ZMYM1: variants seen among roughly 807,000 people sequenced by gnomAD.
ZMYM1 encodes zinc finger MYM-type protein 1.
ZMYM1 carries 39 observed loss-of-function variants against 60.0 expected under a neutral mutation model. The observed-to-expected ratio is 0.65, with a 90% confidence interval of 0.50 to 0.85. ZMYM1 has a LOEUF of 0.85. Ranked by LOEUF, ZMYM1 falls within the 40% of genes least tolerant of loss-of-function variation. The pLI, the probability that ZMYM1 is intolerant of heterozygous loss-of-function variation, is 0.00. For missense variants in ZMYM1, 1,171 were observed against 1,309.5 expected (o/e 0.89, Z 1.63); for synonymous variants, 413 against 454.0 (o/e 0.91, Z 1.15).
intron 6 of ZMYM1, among the ~76,000 whole-genome samples, chr1:35,107,982 A>G (rs1474319906): frequency 1.3e-5 from 2 of 151,912 alleles, no homozygotes; most frequent in Non-Finnish European, 2.9e-5. Context: ...AGTGGCACAC[A>G]CCTAATAATC....
intron 4 of ZMYM1, among the ~76,000 whole-genome samples, chr1:35,098,118 G>A (rs1322850907): frequency 6.6e-6 from 1 of 151,980 alleles, no homozygotes; most frequent in African/African-American, 2.4e-5. Flanking sequence ...TCTGTAAATG[G>A]GATTATTGTT....
At chr1:35,076,998 C>T (rs1044904306), upstream of ZMYM1, among the ~76,000 whole-genome samples, 68 of 152,016 alleles carry the variant, frequency 4.5e-4, no homozygotes, top group African/African-American at 1.6e-3. Context: ...TCCCAGAGCT[C>T]TCCTCCTATT....
chr1:35,112,239 G>T lies in ZMYM1; in HGVS notation c.1146+109G>T, dbSNP rs183018630. On this transcript the variant is annotated intron_variant, in intron 9 of 9. Transcript: ENST00000359858. ...GCCACCCAAGCTGGAGTGCAGTGGCGTGATCTCAGCTCACTGCAACCTTTG... is the reference window on the plus strand; with the variant it reads ...GCCACCCAAGCTGGAGTGCAGTGGCTTGATCTCAGCTCACTGCAACCTTTG... 5.3e-4 allele frequency: 577 copies of T among 1,097,044 alleles called. 4 individuals are homozygous for T. In the African/African-American group the frequency reaches 7.8e-3, roughly 15 times the overall value. The allele number at this position is 1,097,044 out of a possible 1,614,324, so 68.0% of individuals were successfully genotyped here.
chr1:35,068,310 T>G (rs1331712067), intron 1 of ZMYM1, among the ~76,000 whole-genome samples: 1 of 150,506 alleles, frequency 6.6e-6, no homozygotes, highest in Non-Finnish European at 1.5e-5. Context: ...TCCCAGCTAC[T>G]CAGGAGGCTG....
chr1:35,087,068 C>A (rs1642697849), intron 1 of ZMYM1, among the ~76,000 whole-genome samples: 1 of 144,902 alleles, frequency 6.9e-6, no homozygotes, highest in Non-Finnish European at 1.5e-5. Context: ...TCTCCACTCA[C>A]AGCAGCCTCC....
chr1:35,088,444 ATATATATATATGTGTG>A lies in ZMYM1; in HGVS notation c.-74-5468_-74-5453del, dbSNP rs1283017738. Reference sequence around the variant, plus strand: ...AAAATGTGTTTATGTGTATATATATATATATATATATGTGTGTGTGTGTGTGTGTGTGTGTGTGTGT... The same window carrying A: ...AAAATGTGTTTATGTGTATATATATATGTGTGTGTGTGTGTGTGTGTGTGT... On this transcript the variant is annotated intron_variant, in intron 1 of 9. Coordinates refer to ENST00000359858, the MANE Select transcript of ZMYM1 (RefSeq NM_024772.5). Among the ~76,000 whole-genome samples the A allele has an allele frequency of 3.0e-3, 345 of 113,830 alleles. 6 individuals carry two copies. Among genetic ancestry groups the A allele is most frequent in the African/African-American group, 0.012 (317 of 27,208 alleles). The allele number at this position is 113,830 out of a possible 152,430, so 74.7% of individuals were successfully genotyped here. A position where few individuals can be genotyped will look rare whatever the true frequency, so the allele number is the denominator to read the frequency against.
At chr1:35,084,945 A>G (rs1310136569) in intron 1 of ZMYM1, among the ~76,000 whole-genome samples, 2 of 151,866 alleles carry the variant, frequency 1.3e-5, no homozygotes, top group Non-Finnish European at 2.9e-5. Context: ...AAGTCCCCTT[A>G]CCAGTAAAGT....
chr1:35,110,507 C>T, intron 7 of ZMYM1, 60 bp downstream of exon 7: 1 of 1,218,314 alleles, frequency 8.2e-7, no homozygotes, highest in Non-Finnish European at 1.1e-6. Flanking sequence ...TATTATTTGA[C>T]TTTAATTTAT....
intron 1 of ZMYM1, among the ~76,000 whole-genome samples, chr1:35,092,052 A>T (rs1254086787): frequency 1.3e-5 from 2 of 151,924 alleles, no homozygotes; most frequent in African/African-American, 2.4e-5. Context: ...CAGCCTCCAG[A>T]GTAGCTGGGA....
intron 1 of ZMYM1, among the ~76,000 whole-genome samples, chr1:35,085,350 A>G (rs1479216469): frequency 6.6e-6 from 1 of 152,106 alleles, no homozygotes; most frequent in African/African-American, 2.4e-5. Context: ...CCCGGCCCCC[A>G]TATTATTTTT....
intron 1 of ZMYM1, among the ~76,000 whole-genome samples, chr1:35,090,862 C>T (rs1642958469): frequency 6.6e-6 from 1 of 151,976 alleles, no homozygotes. Context: ...AGGAGAATCA[C>T]TTGAACTTGG....
chr1:35,112,244 C>T (rs952610420), intron 9 of ZMYM1, 114 bp downstream of exon 9: 2 of 995,746 alleles, frequency 2.0e-6, no homozygotes, highest in African/African-American at 1.6e-5. Flanking sequence ...GTGGCGTGAT[C>T]TCAGCTCACT....
At chr1:35,112,178 TTTG>T (rs749320961) in intron 9 of ZMYM1, 48 bp downstream of exon 9, 404 of 1,586,774 alleles carry the variant, frequency 2.5e-4, no homozygotes, top group African/African-American at 6.2e-4. Flanking sequence ...TAAGCAGATT[TTTG>T]TTGTTGTTGT....
chr1:35,101,804 G>A (rs1242012186), intron 4 of ZMYM1, among the ~76,000 whole-genome samples: 1 of 151,884 alleles, frequency 6.6e-6, no homozygotes, highest in Non-Finnish European at 1.5e-5. Context: ...GCCCACCTTG[G>A]CCTCCCAAGA....
At chr1:35,110,767 C>T (rs1227146776) in intron 7 of ZMYM1, among the ~76,000 whole-genome samples, 2 of 151,886 alleles carry the variant, frequency 1.3e-5, no homozygotes, top group Non-Finnish European at 2.9e-5. Context: ...CCCGTCTCTA[C>T]TAAAAATACA....
At chr1:35,069,995 T>C (rs12088892) in intron 1 of ZMYM1, among the ~76,000 whole-genome samples, 18,944 of 152,206 alleles carry the variant, frequency 0.12, 3,783 homozygotes, top group African/African-American at 0.42. Context: ...TATAGCTTGA[T>C]AGTATATTTT....
intron 1 of ZMYM1, among the ~76,000 whole-genome samples, chr1:35,088,324 A>G (rs1463291979): frequency 2.0e-5 from 3 of 151,052 alleles, no homozygotes; most frequent in Non-Finnish European, 4.4e-5. Flanking sequence ...ATGCTCAGGC[A>G]GGAGAATCGC....
At chr1:35,082,258 G>A (rs894236128) in intron 1 of ZMYM1, among the ~76,000 whole-genome samples, 1 of 146,718 alleles carries the variant, frequency 6.8e-6, no homozygotes, top group African/African-American at 2.5e-5. Flanking sequence ...CTTTTGCGGG[G>A]GGTGAGTTGG....
exon 1 of ZMYM1, chr1:35,059,809 C>A (rs1028750160): frequency 3.9e-5 from 6 of 152,100 alleles, no homozygotes; most frequent in Non-Finnish European, 7.3e-5. Context: ...GAGTCTCCAG[C>A]CTCTCTTTGC....
Sources: gnomAD v4.1 joint callset for allele counts (sites outside exome capture counted in the v4.1 genomes callset) on GRCh38, gnomAD v4.1.1 for gene constraint, MANE v1.5 for transcripts, NCBI Gene and HGNC (gene_info 2026-07-23, HGNC 2026-07-21) for gene names.